ADARB2: variants seen among roughly 807,000 people sequenced by gnomAD.
ADARB2 encodes the protein adenosine deaminase RNA specific B2 (inactive), also known as inactive double-stranded RNA-specific editase B2.
A neutral mutation model predicts 62.2 loss-of-function variants in ADARB2; 25 were observed. That is an observed-to-expected ratio of 0.40 (90% CI 0.29 to 0.56). ADARB2 has a LOEUF of 0.56. Ranked by LOEUF, ADARB2 falls within the 20% of genes least tolerant of loss-of-function variation. ADARB2 has a pLI of 0.43. For missense variants in ADARB2, 1,071 were observed against 1,077.4 expected (o/e 0.99, Z 0.08); for synonymous variants, 572 against 500.8 (o/e 1.14, Z -1.90).
intron 3 of ADARB2, among the ~76,000 whole-genome samples, chr10:1,302,439 C>T (rs1043813185): frequency 3.3e-5 from 5 of 152,208 alleles, no homozygotes; most frequent in African/African-American, 9.7e-5. Context: ...AAGGCGGCAG[C>T]GAGCCTGGGG....
At chr10:1,321,040 A>G (rs373842976) in intron 3 of ADARB2, among the ~76,000 whole-genome samples, 4 of 152,314 alleles carry the variant, frequency 2.6e-5, no homozygotes, top group African/African-American at 9.6e-5. Flanking sequence ...CCTACAACCT[A>G]AACAACAGGT....
At chr10:1,280,865 G>A (rs1324403070) in intron 3 of ADARB2, among the ~76,000 whole-genome samples, 1 of 152,142 alleles carries the variant, frequency 6.6e-6, no homozygotes, top group African/African-American at 2.4e-5. Flanking sequence ...CCTACAAGCT[G>A]GATTCAGAGA....
chr10:1,252,582 G>A (rs1278214917), intron 4 of ADARB2, among the ~76,000 whole-genome samples: 1 of 152,128 alleles, frequency 6.6e-6, no homozygotes, highest in Non-Finnish European at 1.5e-5. Context: ...TGAATATCAT[G>A]ATCGGCCTGC....
intron 1 of ADARB2, among the ~76,000 whole-genome samples, chr10:1,673,285 C>T (rs531966126): frequency 1.8e-4 from 27 of 149,664 alleles, no homozygotes; most frequent in Middle Eastern, 3.4e-3. Context: ...ATTTCAGATG[C>T]GTAACAAGTG....
intron 1 of ADARB2, among the ~76,000 whole-genome samples, chr10:1,685,169 C>T (rs1050342257): frequency 3.9e-5 from 6 of 152,120 alleles, no homozygotes; most frequent in South Asian, 2.1e-4. Flanking sequence ...GCCAGCAGCC[C>T]GGGGTGCGAG....
At position 1,652,263 on chromosome 10, in the gene ADARB2, G is replaced by T. The variant is rs150078296; in HGVS notation, c.100+84788C>A. 6.3e-3 allele frequency among the ~76,000 whole-genome samples: 953 copies of T among 152,302 alleles called. 9 individuals are homozygous for T. Among genetic ancestry groups the T allele is most frequent in the Non-Finnish European group, 9.3e-3 (636 of 68,026 alleles). On this transcript the variant is annotated intron_variant, in intron 1 of 9. Coordinates refer to ENST00000381312, the MANE Select transcript of ADARB2 (RefSeq NM_018702.4). Reference sequence around the variant, plus strand: ...TGCCCAGTCTCAGCTTTTAACTGGGGCATCTGTTCTGCAAATGCTCCTGAG... The same window carrying T: ...TGCCCAGTCTCAGCTTTTAACTGGGTCATCTGTTCTGCAAATGCTCCTGAG...
chr10:1,686,232 G>A (rs1834595015), intron 1 of ADARB2, among the ~76,000 whole-genome samples: 1 of 152,224 alleles, frequency 6.6e-6, no homozygotes, highest in South Asian at 2.1e-4. Context: ...CGATCTGCAG[G>A]GGCAGGGGAT....
At chr10:1,516,156 G>C (rs1452222703) in intron 1 of ADARB2, among the ~76,000 whole-genome samples, 1 of 152,174 alleles carries the variant, frequency 6.6e-6, no homozygotes, top group Non-Finnish European at 1.5e-5. Flanking sequence ...CTGACCCTCT[G>C]GCAGGCTCAA....
chr10:1,344,165 G>T (rs1359288944), intron 3 of ADARB2, among the ~76,000 whole-genome samples: 1 of 152,176 alleles, frequency 6.6e-6, no homozygotes, highest in African/African-American at 2.4e-5. Flanking sequence ...TCCCATTTCT[G>T]TAAGATAACG....
intron 1 of ADARB2, among the ~76,000 whole-genome samples, chr10:1,596,939 G>A (rs562731732): frequency 6.6e-6 from 1 of 152,262 alleles, no homozygotes; most frequent in East Asian, 1.9e-4. Context: ...GGAATGGGGG[G>A]GCTTCATCGC....
At chr10:1,224,165 G>T (rs1054346928) in intron 6 of ADARB2, among the ~76,000 whole-genome samples, 5 of 152,180 alleles carry the variant, frequency 3.3e-5, no homozygotes, top group Non-Finnish European at 7.3e-5. Context: ...GGATGTATGT[G>T]TCGAGGAATT....
chr10:1,736,944 A>G, intron 1 of ADARB2, 107 bp downstream of exon 1: 2 of 1,172,892 alleles, frequency 1.7e-6, no homozygotes, highest in South Asian at 2.7e-5. Context: ...CCAGCACCCC[A>G]AAGTGAAGCT....
chr10:1,188,600 T>TC (rs1836796170), intron 8 of ADARB2, among the ~76,000 whole-genome samples: 1 of 138,696 alleles, frequency 7.2e-6, no homozygotes, highest in South Asian at 2.4e-4. Flanking sequence ...TTTTTTTTTT[T>TC]CTTCTACCTT....
intron 1 of ADARB2, among the ~76,000 whole-genome samples, chr10:1,550,473 C>G (rs572058230): frequency 6.6e-6 from 1 of 152,276 alleles, no homozygotes; most frequent in Admixed American, 6.5e-5. Context: ...TGAAAACCAA[C>G]GAATATGAGT....
chr10:1,696,256 T>C (rs866945496), intron 1 of ADARB2, among the ~76,000 whole-genome samples: 1 of 150,752 alleles, frequency 6.6e-6, no homozygotes, highest in Non-Finnish European at 1.5e-5. Context: ...CACATGTGCA[T>C]TGTGTATGTG....
Position 1,205,996 on chromosome 10 carries a change from G to C in ADARB2, c.1683-5849C>G, listed in dbSNP as rs547952919. 2.3e-3 allele frequency among the ~76,000 whole-genome samples: 342 copies of C among 151,870 alleles called. 1 individual carries two copies. The highest frequency in any genetic ancestry group is 8.3e-3 in the South Asian group (40 of 4,816). The stretch of plus-strand genomic sequence containing the variant: ...TCAGGTGGGTGTCACGGGGCAGCCC[G>C]CTGGGGTCAGGTGGTTCACGGGGCA... On this transcript the variant is annotated intron_variant, in intron 7 of 9. Transcript: ENST00000381312.
chr10:1,312,302 A>G (rs1236700941), intron 3 of ADARB2, among the ~76,000 whole-genome samples: 3 of 152,172 alleles, frequency 2.0e-5, no homozygotes, highest in Non-Finnish European at 4.4e-5. Context: ...AAAGGGCAAC[A>G]GCCATACCTT....
At chr10:1,602,334 T>C (rs976582853) in intron 1 of ADARB2, among the ~76,000 whole-genome samples, 13 of 152,196 alleles carry the variant, frequency 8.5e-5, no homozygotes, top group Non-Finnish European at 1.5e-4. Flanking sequence ...ATGCCACTTT[T>C]GAGCGCGTTG....
At position 1,737,069 on chromosome 10, in the gene ADARB2, G is replaced by T. The variant is rs1334103357; in HGVS notation, c.82C>A (p.Arg28=). 3.1e-6 allele frequency: 5 copies of T among 1,611,654 alleles called. No individual in the cohort carries two copies. The highest frequency in any genetic ancestry group is 1.1e-5 in the South Asian group (1 of 91,084). The change falls in exon 1 of 10, where the codon CGG becomes AGG. Residue 28 remains arginine (R), a synonymous_variant. Coordinates refer to ENST00000381312, the MANE Select transcript of ADARB2 (RefSeq NM_018702.4). ...LKCKSKRRRR[R]RSKRKDKVSI... ...TCCTTACCTTTCCGCTTGGACCTCC[G>T]CCTCCTCCTCCTCTTGGACTTGCAT... is the stretch of plus-strand genomic sequence containing the variant.
Sources: allele counts gnomAD v4.1 joint callset (sites outside exome capture counted in the v4.1 genomes callset), GRCh38; gene constraint gnomAD v4.1.1; transcripts MANE v1.5; gene names NCBI Gene and HGNC (gene_info 2026-07-23, HGNC 2026-07-21).